The following TMCC1 variants were observed in gnomAD, a reference collection of about 807,000 sequenced individuals.
TMCC1 encodes transmembrane and coiled-coil domain family 1.
In TMCC1, 15 loss-of-function variants were observed where a neutral mutation model predicts 52.4. That is an observed-to-expected ratio of 0.29 (90% CI 0.19 to 0.44). TMCC1 has a LOEUF of 0.44. Ranked by LOEUF, TMCC1 falls within the 20% of genes least tolerant of loss-of-function variation. The pLI is 1.00. For synonymous variants in TMCC1, 279 were observed against 301.9 expected (o/e 0.92, Z 0.79); for missense variants, 503 against 806.0 (o/e 0.62, Z 4.55).
rs563449252 is a variant in TMCC1 at position 129,865,434 on chromosome 3, A to T, written c.-184+14875T>A. ...CCAAAGTGCTGGGATTACAGGCGTG[A>T]GCCACCACTCCTGGCATCCTTGCAC... On this transcript the variant is annotated intron_variant, in intron 2 of 6. Transcript: ENST00000393238. 3.3e-5 allele frequency among the ~76,000 whole-genome samples: 5 copies of T among 152,088 alleles called. No individual in the cohort carries two copies. In the East Asian group the frequency reaches 9.7e-4, roughly 29 times the overall value.
At chr3:129,712,574 A>C (rs2048780196) in intron 4 of TMCC1, among the ~76,000 whole-genome samples, 1 of 152,048 alleles carries the variant, frequency 6.6e-6, no homozygotes, top group Non-Finnish European at 1.5e-5. Flanking sequence ...CAGCCTCCCG[A>C]GGAGCTGGAA....
chr3:129,658,562 G>A (rs189069846), intron 5 of TMCC1, among the ~76,000 whole-genome samples: 9 of 152,306 alleles, frequency 5.9e-5, no homozygotes, highest in Admixed American at 3.9e-4. Flanking sequence ...GCTCTGACTC[G>A]GCTTTGACCT....
At chr3:129,718,275 G>A (rs2049261921) in intron 4 of TMCC1, among the ~76,000 whole-genome samples, 1 of 152,150 alleles carries the variant, frequency 6.6e-6, no homozygotes, top group East Asian at 1.9e-4. Flanking sequence ...TGCATAAACT[G>A]CATAAAATTA....
At chr3:129,740,480 T>G (rs992819165) in intron 4 of TMCC1, among the ~76,000 whole-genome samples, 2 of 152,196 alleles carry the variant, frequency 1.3e-5, no homozygotes, top group Admixed American at 1.3e-4. Flanking sequence ...GTACTTCCTT[T>G]CTGGTATGAC....
chr3:129,651,548 G>A lies in TMCC1; in HGVS notation c.1895C>T (p.Ala632Val). The A allele has an allele frequency of 6.2e-7, 1 of 1,614,148 alleles. No homozygotes were observed. Among genetic ancestry groups the A allele is most frequent in the Non-Finnish European group, 8.5e-7 (1 of 1,180,020 alleles). The change falls in exon 7 of 7, where the codon GCC becomes GTC. Residue 632 changes from alanine (A) to valine (V), a missense_variant. Ala to Val is a moderately conservative substitution (Grantham distance 64, BLOSUM62 0). Coordinates refer to ENST00000393238, the MANE Select transcript of TMCC1 (RefSeq NM_001017395.5). The surrounding 1 kb of genome is among the most constrained non-coding windows in gnomAD (Gnocchi z 5.1). ...GGCGTCCCAGTGCTTCCAGAGAAAG[G>A]CAATAAAAACCACAAGGAATAAAGT... ...FSTLFLVVFI[A>V]FLWKHWDALF... is the part of the protein sequence containing the mutation.
At chr3:129,706,395 AG>A (rs2048249146) in intron 4 of TMCC1, among the ~76,000 whole-genome samples, 1 of 137,858 alleles carries the variant, frequency 7.3e-6, no homozygotes, top group Non-Finnish European at 1.6e-5. Context: ...TAGTAGAGAC[AG>A]GGTTTCACCA....
At chr3:129,808,035 T>G (rs2057560970) in intron 4 of TMCC1, among the ~76,000 whole-genome samples, 1 of 142,332 alleles carries the variant, frequency 7.0e-6, no homozygotes, top group Non-Finnish European at 1.5e-5. Flanking sequence ...AAGCTGAAAC[T>G]GAGAAGAGTA....
At chr3:129,888,054 A>T (rs2061799211) in intron 1 of TMCC1, among the ~76,000 whole-genome samples, 1 of 152,234 alleles carries the variant, frequency 6.6e-6, no homozygotes, top group Non-Finnish European at 1.5e-5. Flanking sequence ...CTAAAGGCAA[A>T]AAGAACTATC....
intron 2 of TMCC1, among the ~76,000 whole-genome samples, chr3:129,877,421 T>A (rs1213807793): frequency 6.6e-6 from 1 of 152,170 alleles, no homozygotes; most frequent in East Asian, 1.9e-4. Flanking sequence ...TTCCTTCTCA[T>A]CTTCCCCAAC....
intron 4 of TMCC1, among the ~76,000 whole-genome samples, chr3:129,809,246 C>CAA (rs11418962): frequency 0.026 from 2,385 of 90,372 alleles, 77 homozygotes; most frequent in African/African-American, 0.031. Context: ...GATTCCATCT[C>CAA]AAAAAAAAAA....
At chr3:129,663,232 G>A (rs2087175883) in intron 5 of TMCC1, among the ~76,000 whole-genome samples, 2 of 152,114 alleles carry the variant, frequency 1.3e-5, no homozygotes, top group Admixed American at 6.6e-5. Context: ...AAAGTTTGGA[G>A]CCATCTCTGA....
At chr3:129,691,246 G>A (rs902775250) in intron 4 of TMCC1, among the ~76,000 whole-genome samples, 2 of 152,196 alleles carry the variant, frequency 1.3e-5, no homozygotes, top group African/African-American at 4.8e-5. Context: ...TATGTCGAGT[G>A]TAATTCAATT....
chr3:129,748,740 CG>C (rs754257934), intron 4 of TMCC1, among the ~76,000 whole-genome samples: 21 of 152,182 alleles, frequency 1.4e-4, no homozygotes, highest in South Asian at 4.1e-4. Context: ...GGGTAGCTCA[CG>C]TCTGTAATCC....
At chr3:129,676,034 C>T (rs1001462969) in intron 4 of TMCC1, among the ~76,000 whole-genome samples, 6 of 93,128 alleles carry the variant, frequency 6.4e-5, no homozygotes, top group African/African-American at 4.8e-4. Context: ...GAGACTCTGT[C>T]TCAAAAAAAA....
intron 4 of TMCC1, among the ~76,000 whole-genome samples, chr3:129,707,854 C>T (rs1052975297): frequency 1.3e-5 from 2 of 151,934 alleles, no homozygotes; most frequent in East Asian, 1.9e-4. Context: ...ACTGCTTGAA[C>T]CCAGGAGACG....
chr3:129,873,733 G>A (rs548667870), intron 2 of TMCC1, among the ~76,000 whole-genome samples: 2 of 152,144 alleles, frequency 1.3e-5, no homozygotes, highest in African/African-American at 2.4e-5. Flanking sequence ...AATGACATGG[G>A]CTATAAGTAG....
chr3:129,711,646 A>G (rs985930974), intron 4 of TMCC1, among the ~76,000 whole-genome samples: 2 of 151,844 alleles, frequency 1.3e-5, no homozygotes, highest in Non-Finnish European at 1.5e-5. Context: ...GGAGTTTGAG[A>G]CCAGCCTGGC....
At chr3:129,709,474 CAAAAAA>C (rs1160022823) in intron 4 of TMCC1, among the ~76,000 whole-genome samples, 2 of 20,520 alleles carry the variant, frequency 9.7e-5, no homozygotes, top group Non-Finnish European at 1.8e-4. Context: ...AGACTTGCCT[CAAAAAA>C]AAAAAAAAAA....
chr3:129,735,916 C>G (rs1200273052), intron 4 of TMCC1, among the ~76,000 whole-genome samples: 1 of 152,112 alleles, frequency 6.6e-6, no homozygotes, highest in Non-Finnish European at 1.5e-5. Flanking sequence ...ATGGTAGAAG[C>G]CTGCTGACCT....
Sources: allele counts gnomAD v4.1 joint callset (sites outside exome capture counted in the v4.1 genomes callset), GRCh38; gene constraint gnomAD v4.1.1; non-coding constraint Gnocchi (gnomAD v3.1); transcripts MANE v1.5; gene names NCBI Gene and HGNC (gene_info 2026-07-23, HGNC 2026-07-21).